The following INPP4B variants were observed in gnomAD, a reference collection of about 807,000 sequenced individuals.
INPP4B encodes inositol polyphosphate-4-phosphatase type II B.
INPP4B carries 55 observed loss-of-function variants against 122.5 expected under a neutral mutation model. That is an observed-to-expected ratio of 0.45 (90% CI 0.36 to 0.56). The LOEUF (loss-of-function observed/expected upper bound fraction) is 0.56, where lower values mean the gene tolerates loss of function less well. INPP4B is among the 20% of genes least tolerant of loss of function. INPP4B has a pLI of 0.00. For missense variants in INPP4B, 1,000 were observed against 1,097.7 expected (o/e 0.91, Z 1.26); for synonymous variants, 403 against 388.7 (o/e 1.04, Z -0.43).
chr4:142,045,013 C>T (rs2152354003), intron 25 of INPP4B, among the ~76,000 whole-genome samples: 1 of 152,172 alleles, frequency 6.6e-6, no homozygotes, highest in East Asian at 1.9e-4. Context: ...TATTCTCAGC[C>T]CTTTAGTAAG....
intron 2 of INPP4B, among the ~76,000 whole-genome samples, chr4:142,558,067 T>C (rs568774491): frequency 2.7e-4 from 41 of 152,358 alleles, no homozygotes; most frequent in African/African-American, 9.9e-4. Context: ...TAATCCTATT[T>C]GCCAATTTCC....
chr4:142,274,419 A>T (rs1348216098), intron 9 of INPP4B, among the ~76,000 whole-genome samples: 1 of 151,804 alleles, frequency 6.6e-6, no homozygotes, highest in Non-Finnish European at 1.5e-5. Context: ...CTGTGATTTC[A>T]TCATAGGGCA....
chr4:142,051,520 T>C (rs1452536962), intron 25 of INPP4B, among the ~76,000 whole-genome samples: 1 of 152,040 alleles, frequency 6.6e-6, no homozygotes, highest in Non-Finnish European at 1.5e-5. Context: ...GTTTTTGAAA[T>C]GTACATCTAT....
intron 2 of INPP4B, among the ~76,000 whole-genome samples, chr4:142,701,734 AC>A (rs1283536377): frequency 6.6e-6 from 1 of 152,130 alleles, no homozygotes; most frequent in Non-Finnish European, 1.5e-5. Flanking sequence ...TGCAGAGGAC[AC>A]AGTCGACTAT....
intron 15 of INPP4B, among the ~76,000 whole-genome samples, chr4:142,183,570 T>TTTCC (rs975423638): frequency 1.0e-4 from 15 of 148,908 alleles, no homozygotes; most frequent in African/African-American, 3.9e-4. Context: ...TATAGATGAC[T>TTTCC]TTTCTGCTGT....
chr4:142,081,694 G>T (rs985881383), intron 25 of INPP4B, among the ~76,000 whole-genome samples: 1 of 151,972 alleles, frequency 6.6e-6, no homozygotes, highest in African/African-American at 2.4e-5. Context: ...TTATATATGA[G>T]ATTTTCGGGG....
At chr4:142,769,252 G>T (rs1772639026) in intron 1 of INPP4B, among the ~76,000 whole-genome samples, 1 of 152,112 alleles carries the variant, frequency 6.6e-6, no homozygotes, top group African/African-American at 2.4e-5. Context: ...GCTTTGAAGG[G>T]TCTACCTAGT....
chr4:142,396,441 T>A (rs1799401122), intron 7 of INPP4B, among the ~76,000 whole-genome samples: 1 of 152,022 alleles, frequency 6.6e-6, no homozygotes, highest in African/African-American at 2.4e-5. Context: ...CTAAAATAGC[T>A]AAGTGGAAAA....
At chr4:142,217,345 A>G (rs1002391356) in intron 12 of INPP4B, among the ~76,000 whole-genome samples, 1 of 152,144 alleles carries the variant, frequency 6.6e-6, no homozygotes, top group Non-Finnish European at 1.5e-5. Context: ...TTTTTGTCCA[A>G]CCGCAGTCTC....
chr4:142,607,339 G>A (rs1445245233), intron 2 of INPP4B, among the ~76,000 whole-genome samples: 4 of 151,988 alleles, frequency 2.6e-5, no homozygotes, highest in African/African-American at 9.7e-5. Context: ...CTCTATTAAA[G>A]GCTATAGCAG....
At chr4:142,505,339 A>G (rs1399810145) in intron 2 of INPP4B, among the ~76,000 whole-genome samples, 2 of 152,016 alleles carry the variant, frequency 1.3e-5, no homozygotes, top group East Asian at 1.9e-4. Context: ...AATGGTGATG[A>G]CTGTTGTTTT....
At position 142,124,725 on chromosome 4, in the gene INPP4B, T is replaced by C. The variant is rs1797986462; in HGVS notation, c.1756A>G (p.Thr586Ala). 1 of 1,603,984 alleles carries C rather than the reference T, an allele frequency of 6.2e-7. No individual in the cohort carries two copies. ...WYEQLYPLILTLKDCMGEVVN... is the reference protein window; with the variant it reads ...WYEQLYPLILALKDCMGEVVN... ...ACTTCTCCCATGCAGTCCTTCAGGG[T>C]AAGGATGAGGGGATACAACTGTTCA... Residue 586 changes from threonine to alanine, a missense_variant, in exon 19 of 26, where the codon ACC (threonine) becomes GCC (alanine). By Grantham distance (58) the Thr-to-Ala change is moderately conservative. Transcript: ENST00000262992.
chr4:142,295,327 G>GTGGCA (rs1214075378), intron 9 of INPP4B, among the ~76,000 whole-genome samples: 67 of 152,294 alleles, frequency 4.4e-4, no homozygotes, highest in African/African-American at 1.5e-3. Context: ...CCACAGGTCT[G>GTGGCA]TCAATGACTG....
chr4:142,569,917 AG>A (rs1361780654), intron 2 of INPP4B, among the ~76,000 whole-genome samples: 1 of 152,158 alleles, frequency 6.6e-6, no homozygotes, highest in African/African-American at 2.4e-5. Context: ...CAAAATACAT[AG>A]GTAATAAAAT....
chr4:142,763,949 G>T (rs1771713867), intron 1 of INPP4B, among the ~76,000 whole-genome samples: 2 of 152,068 alleles, frequency 1.3e-5, no homozygotes, highest in Non-Finnish European at 2.9e-5. Flanking sequence ...CATATTCATT[G>T]AGGCTGCCTA....
chr4:142,283,370 C>T (rs1421685744), intron 9 of INPP4B, among the ~76,000 whole-genome samples: 2 of 152,002 alleles, frequency 1.3e-5, no homozygotes, highest in South Asian at 2.1e-4. Flanking sequence ...ATCATTAGGT[C>T]GTTGGATATT....
chr4:142,101,776 T>C (rs192398794), intron 23 of INPP4B, among the ~76,000 whole-genome samples: 1 of 152,168 alleles, frequency 6.6e-6, no homozygotes, highest in Non-Finnish European at 1.5e-5. Flanking sequence ...CTTGTTCTTT[T>C]CTTTCATTTT....
chr4:142,411,811 G>T (rs946719458), intron 5 of INPP4B, among the ~76,000 whole-genome samples: 2 of 152,164 alleles, frequency 1.3e-5, no homozygotes, highest in African/African-American at 2.4e-5. Flanking sequence ...AGGATCACTT[G>T]AACCAGGGAG....
chr4:142,054,707 G>C (rs1295349392), intron 25 of INPP4B, among the ~76,000 whole-genome samples: 1 of 151,958 alleles, frequency 6.6e-6, no homozygotes, highest in Non-Finnish European at 1.5e-5. Context: ...GCTTATAGGA[G>C]ACTGGATAGT....
Sources: allele counts gnomAD v4.1 joint callset (sites outside exome capture counted in the v4.1 genomes callset), GRCh38; gene constraint gnomAD v4.1.1; transcripts MANE v1.5; gene names NCBI Gene and HGNC (gene_info 2026-07-23, HGNC 2026-07-21).